EYS: variants seen among roughly 807,000 people sequenced by gnomAD.
The protein encoded by EYS is protein eyes shut homolog.
A neutral mutation model predicts 282.1 loss-of-function variants in EYS; 250 were observed. That is an observed-to-expected ratio of 0.89 (90% CI 0.80 to 0.98). The LOEUF (loss-of-function observed/expected upper bound fraction) is 0.98. EYS is among the 50% of genes least tolerant of loss of function. The pLI is 0.00. For missense variants in EYS, 4,016 were observed against 3,709.0 expected (o/e 1.08, Z -2.15); for synonymous variants, 1,355 against 1,282.9 (o/e 1.06, Z -1.20).
chr6:65,420,094 A>G (rs1767397906), intron 5 of EYS, among the ~76,000 whole-genome samples: 1 of 151,958 alleles, frequency 6.6e-6, no homozygotes. Context: ...TGGTTGCTAA[A>G]GATTGGAGAA....
intron 12 of EYS, among the ~76,000 whole-genome samples, chr6:65,220,678 C>A (rs940945206): frequency 6.6e-6 from 1 of 151,944 alleles, no homozygotes; most frequent in South Asian, 2.1e-4. Flanking sequence ...TGTAAAGATA[C>A]CCAAAAATAT....
At chr6:64,353,425 A>G (rs1771713545) in intron 29 of EYS, among the ~76,000 whole-genome samples, 1 of 151,564 alleles carries the variant, frequency 6.6e-6, no homozygotes, top group South Asian at 2.1e-4. Context: ...GCATTTGAAA[A>G]TTCTGTGCAT....
chr6:64,308,602 T>C (rs1410285133), intron 29 of EYS, among the ~76,000 whole-genome samples: 1 of 152,066 alleles, frequency 6.6e-6, no homozygotes, highest in Non-Finnish European at 1.5e-5. Flanking sequence ...ATTAAAATTA[T>C]ACACTATTTG....
chr6:64,390,054 C>T (rs377128248), intron 28 of EYS, among the ~76,000 whole-genome samples: 14 of 151,712 alleles, frequency 9.2e-5, no homozygotes, highest in African/African-American at 2.7e-4. Context: ...CCGAATACTG[C>T]GCTTTTCCAA....
At chr6:63,943,079 A>G (rs1765290806) in intron 35 of EYS, among the ~76,000 whole-genome samples, 1 of 152,226 alleles carries the variant, frequency 6.6e-6, no homozygotes, top group South Asian at 2.1e-4. Flanking sequence ...GTAAGCTATT[A>G]GTAGTTACGC....
At chr6:64,852,147 T>C (rs1176598889) in intron 19 of EYS, among the ~76,000 whole-genome samples, 5 of 31,196 alleles carry the variant, frequency 1.6e-4, no homozygotes, top group Non-Finnish European at 5.0e-4. Context: ...TATGCTGTGA[T>C]GGTTAGTACT....
chr6:64,873,793 G>A (rs950633355), intron 19 of EYS, among the ~76,000 whole-genome samples: 3 of 151,786 alleles, frequency 2.0e-5, no homozygotes, highest in Admixed American at 1.3e-4. Flanking sequence ...ACATCATATT[G>A]TGCCTCATAA....
chr6:64,116,715 A>G (rs1448007020), intron 31 of EYS, among the ~76,000 whole-genome samples: 4 of 152,158 alleles, frequency 2.6e-5, no homozygotes, highest in African/African-American at 9.6e-5. Context: ...ACATAGACTG[A>G]AAGTGCAGAG....
intron 2 of EYS, among the ~76,000 whole-genome samples, chr6:65,550,143 CTTTTTTTTTTTTTTTTTTTTTTTTTTTT>C (rs1048251073): frequency 1.7e-4 from 1 of 5,956 alleles, no homozygotes; most frequent in Non-Finnish European, 2.5e-4. Flanking sequence ...TCTACTATAT[CTTTTTTTTTTTTTTTTTTTTTTTTTTTT>C]TTTTTTTTTT....
chr6:64,842,733 G>T (rs1361387130), intron 19 of EYS, among the ~76,000 whole-genome samples: 1 of 152,034 alleles, frequency 6.6e-6, no homozygotes, highest in East Asian at 1.9e-4. Context: ...GTGGAACTTT[G>T]AACTTGAGAG....
intron 30 of EYS, among the ~76,000 whole-genome samples, chr6:64,302,628 A>T (rs554037022): frequency 6.6e-6 from 1 of 152,110 alleles, no homozygotes; most frequent in Non-Finnish European, 1.5e-5. Context: ...AGCATCTCAA[A>T]TAACCCCCAA....
At chr6:65,165,283 T>C (rs1276343676) in intron 12 of EYS, among the ~76,000 whole-genome samples, 1 of 145,550 alleles carries the variant, frequency 6.9e-6, no homozygotes, top group African/African-American at 2.7e-5. Flanking sequence ...ATTTAAGTTT[T>C]CTTTGTTTTT....
chr6:63,788,273 T>C (rs1456445887), intron 38 of EYS, 24 bp from the exon 39 acceptor site: 1 of 1,498,700 alleles, frequency 6.7e-7, no homozygotes, highest in Admixed American at 2.5e-5. Context: ...AAAAAACCTA[T>C]TAAAAAAGGA....
chr6:65,066,451 C>A (rs899903510), intron 12 of EYS, among the ~76,000 whole-genome samples: 1 of 152,134 alleles, frequency 6.6e-6, no homozygotes, highest in South Asian at 2.1e-4. Flanking sequence ...TCCTATAATG[C>A]TCAGTCTCAT....
chr6:65,001,603 T>C (rs1206465467), intron 13 of EYS, among the ~76,000 whole-genome samples: 2 of 147,858 alleles, frequency 1.4e-5, no homozygotes, highest in African/African-American at 4.9e-5. Context: ...TTCTCATTTA[T>C]GGCTACGGGT....
At chr6:64,343,964 G>A (rs1483567033) in intron 29 of EYS, among the ~76,000 whole-genome samples, 2 of 152,096 alleles carry the variant, frequency 1.3e-5, no homozygotes, top group Non-Finnish European at 2.9e-5. Context: ...AGAAGAAATG[G>A]ATAAATTCCT....
At chr6:63,977,353 A>C (rs1319508413) in intron 35 of EYS, among the ~76,000 whole-genome samples, 1 of 149,798 alleles carries the variant, frequency 6.7e-6, no homozygotes, top group Non-Finnish European at 1.5e-5. Context: ...ATTATTGATA[A>C]CTAATAATTT....
intron 31 of EYS, among the ~76,000 whole-genome samples, chr6:64,130,387 A>C (rs1321109040): frequency 1.3e-5 from 2 of 152,150 alleles, no homozygotes; most frequent in East Asian, 3.9e-4. Flanking sequence ...AGGACAAAAA[A>C]CCAAATGCCG....
At chr6:64,960,507 G>C (rs1035435903) in intron 14 of EYS, among the ~76,000 whole-genome samples, 2 of 151,754 alleles carry the variant, frequency 1.3e-5, no homozygotes, top group African/African-American at 4.8e-5. Flanking sequence ...TTATTTATAG[G>C]TTTTCCTTTT....
Sources: allele counts gnomAD v4.1 joint callset (sites outside exome capture counted in the v4.1 genomes callset), GRCh38; gene constraint gnomAD v4.1.1; transcripts MANE v1.5; gene names NCBI Gene and HGNC (gene_info 2026-07-23, HGNC 2026-07-21).